NCKIPSD: variants seen among roughly 807,000 people sequenced by gnomAD.
NCKIPSD encodes the protein NCK-interacting protein with SH3 domain.
In NCKIPSD, 48 loss-of-function variants were observed where a neutral mutation model predicts 73.4. That is an observed-to-expected ratio of 0.65 (90% CI 0.52 to 0.83). NCKIPSD has a LOEUF of 0.83. Among genes scored for constraint, NCKIPSD ranks in the 40% least tolerant of loss-of-function variants. The probability of loss-of-function intolerance (pLI) is 0.00; values close to 1 mark genes in which losing one functional copy is unlikely to be tolerated. For missense variants in NCKIPSD, 884 were observed against 970.2 expected, an observed-to-expected ratio of 0.91 and a Z score of 1.18; for synonymous variants, 422 against 403.6, an observed-to-expected ratio of 1.05 and a Z score of -0.54.
rs780562488 is a variant in NCKIPSD at position 48,685,757 on chromosome 3, C to A, written c.51G>T (p.Ala17=). ...AFRSAEPNAL[A]FAAGETFLVL... The stretch of plus-strand genomic sequence containing the variant: ...CCAGGAAGGTCTCGCCCGCGGCGAA[C>A]GCCAGCGCGTTGGGCTCCGCCGAGC... Residue 17 remains alanine, a synonymous_variant, in exon 1 of 13, where the codon GCG becomes GCT. Transcript: ENST00000294129. 1.7e-5 allele frequency: 26 copies of A among 1,532,850 alleles called. No homozygotes were observed. Among genetic ancestry groups the A allele is most frequent in the Non-Finnish European group, 1.2e-5 (14 of 1,148,526 alleles). 95.0% of individuals were successfully genotyped at this position (1,532,850 alleles called of 1,614,324 possible).
intron 1 of NCKIPSD, among the ~76,000 whole-genome samples, chr3:48,684,237 AACAG>A (rs1320348095): frequency 4.6e-5 from 7 of 152,268 alleles, no homozygotes; most frequent in South Asian, 4.1e-4. Flanking sequence ...CGCAGAAAGA[AACAG>A]ACAGTGACAG....
Position 48,674,474 on chromosome 3 carries a change from T to C in NCKIPSD, c.*70A>G. ...CCCCTCCCACTGTCAGTGCAAAACA[T>C]TCTTAGGGCCAAGCCCCTGAGTCCC... is the stretch of plus-strand genomic sequence containing the variant. On this transcript the variant is annotated 3_prime_UTR_variant, in exon 13 of 13. Transcript: ENST00000294129. The C allele has an allele frequency of 6.6e-7, 1 of 1,525,018 alleles. No individual in the cohort carries two copies. The highest frequency in any genetic ancestry group is 8.8e-7 in the Non-Finnish European group (1 of 1,134,432). 94.5% of individuals were successfully genotyped at this position (1,525,018 alleles called of 1,614,324 possible).
At chr3:48,683,783 TC>T (rs2077391594) in intron 1 of NCKIPSD, among the ~76,000 whole-genome samples, 1 of 151,790 alleles carries the variant, frequency 6.6e-6, no homozygotes, top group East Asian at 1.9e-4. Flanking sequence ...CCCCCAGCCC[TC>T]CCCTGGCCCT....
At chr3:48,675,755 A>G (rs1305363676) in intron 12 of NCKIPSD, among the ~76,000 whole-genome samples, 3 of 151,624 alleles carry the variant, frequency 2.0e-5, no homozygotes, top group Admixed American at 2.0e-4. Flanking sequence ...CATGTTGGCC[A>G]GGCTGGTTTC....
At position 48,681,892 on chromosome 3, in the gene NCKIPSD, G is replaced by A. The variant is rs1053398903; in HGVS notation, c.599-112C>T. On this transcript the variant is annotated intron_variant, in intron 4 of 12. Transcript: ENST00000294129. Reference sequence around the variant, plus strand: ...GGGCCTAGTTTCTCTGCTAGGCACTGCCTCCTCACAAAGCCCAGAGCCCCT... The same window carrying A: ...GGGCCTAGTTTCTCTGCTAGGCACTACCTCCTCACAAAGCCCAGAGCCCCT... 8.2e-6 allele frequency: 12 copies of A among 1,459,230 alleles called. No individual in the cohort carries two copies. In the African/African-American group the frequency reaches 1.4e-4, roughly 17 times the overall value. The allele number at this position is 1,459,230 out of a possible 1,614,324, so 90.4% of individuals were successfully genotyped here.
rs865797719 is a variant in NCKIPSD, at chr3:48,685,879, A to G, written c.-72T>C. ...CCACAACGCCAGGCCGGGAGCGCCG[A>G]GCCGCGCCGCGGTTGTCCCGCCCCG... On this transcript the variant is annotated 5_prime_UTR_variant, in exon 1 of 13. Coordinates refer to ENST00000294129, the MANE Select transcript of NCKIPSD (RefSeq NM_016453.4). The G allele has an allele frequency of 5.3e-6, 7 of 1,308,410 alleles. No individual in the cohort carries two copies. The highest frequency in any genetic ancestry group is 2.8e-4 in the Middle Eastern group (1 of 3,584). The allele number at this position is 1,308,410 out of a possible 1,614,324, so 81.1% of individuals were successfully genotyped here. A position where few individuals can be genotyped will look rare whatever the true frequency, so the allele number is the denominator to read the frequency against.
intron 1 of NCKIPSD, among the ~76,000 whole-genome samples, chr3:48,684,991 G>C (rs886619712): frequency 6.6e-6 from 1 of 151,834 alleles, no homozygotes; most frequent in Non-Finnish European, 1.5e-5. Flanking sequence ...TTAGAGGGTG[G>C]CTGAACACAG....
At chr3:48,677,206 T>C (rs2077269021) in intron 12 of NCKIPSD, among the ~76,000 whole-genome samples, 1 of 151,442 alleles carries the variant, frequency 6.6e-6, no homozygotes, top group East Asian at 2.0e-4. Flanking sequence ...CTGGCCAACA[T>C]GGCGAAACCC....
Position 48,681,521 on chromosome 3 carries a change from G to A in NCKIPSD, c.858C>T (p.Asp286=), listed in dbSNP as rs1181462410. Residue 286 remains aspartate, a synonymous_variant, in exon 5 of 13, where the codon GAC becomes GAT. Transcript: ENST00000294129. ...GGCTCAGTGTACCCAGGGCTTCCAG[G>A]TCATCAGAGGCTGAGGTTGTACCAG... ...VATGTTSASD[D]LEALGTLSLG... 1 of 1,614,180 alleles carries A rather than the reference G, an allele frequency of 6.2e-7. No individual in the cohort carries two copies. The highest frequency in any genetic ancestry group is 1.1e-5 in the South Asian group (1 of 91,086).
chr3:48,678,571 C>T lies in NCKIPSD; in HGVS notation c.1958G>A (p.Gly653Glu). Residue 653 changes from glycine (G) to glutamate (E), a missense_variant, in exon 12 of 13, where the codon GGA becomes GAA. Physicochemically the swap from Gly to Glu is moderately conservative, Grantham distance 98. Transcript: ENST00000294129. Reference sequence around the variant, plus strand: ...GCAGCCACCTCCAGGCACCTTGTCTCCTGGTGACAGGTCTGCGATGTGCCG... The same window carrying T: ...GCAGCCACCTCCAGGCACCTTGTCTTCTGGTGACAGGTCTGCGATGTGCCG... ...TVRHIADLSPGDKLRMEYLSL... is the reference protein window; with the variant it reads ...TVRHIADLSPEDKLRMEYLSL... 2 of 1,610,000 alleles carry T rather than the reference C, an allele frequency of 1.2e-6. No individual in the cohort carries two copies. Among genetic ancestry groups the T allele is most frequent in the East Asian group, 2.2e-5 (1 of 44,832 alleles).
intron 1 of NCKIPSD, among the ~76,000 whole-genome samples, chr3:48,683,607 A>T (rs990211): frequency 6.6e-6 from 1 of 152,096 alleles, no homozygotes; most frequent in Non-Finnish European, 1.5e-5. Context: ...TAAGCTTCCA[A>T]ACCCACCCTG....
Position 48,678,686 on chromosome 3 carries a change from G to A in NCKIPSD, c.1843C>T (p.Leu615Phe). The change falls in exon 12 of 13, where the codon CTC (leucine) becomes TTC (phenylalanine). Residue 615 changes from leucine (L) to phenylalanine (F), a missense_variant. By Grantham distance (22) the Leu-to-Phe change is conservative. Coordinates refer to ENST00000294129, the MANE Select transcript of NCKIPSD (RefSeq NM_016453.4). ...KHEPQPPHSVLKFLQDVFGSP... is the reference protein window; with the variant it reads ...KHEPQPPHSVFKFLQDVFGSP... ...CCAAACACGTCCTGCAGGAACTTGA[G>A]GACAGAGTGTGGTGGCTGTGGCTCA... 1 of 1,614,210 alleles carries A rather than the reference G, an allele frequency of 6.2e-7. No individual in the cohort carries two copies. The highest frequency in any genetic ancestry group is 8.5e-7 in the Non-Finnish European group (1 of 1,180,040).
Position 48,685,829 on chromosome 3 carries a change from A to G in NCKIPSD, c.-22T>C. 1 of 1,416,652 alleles carries G rather than the reference A, an allele frequency of 7.1e-7. No individual in the cohort carries two copies. Among genetic ancestry groups the G allele is most frequent in the Non-Finnish European group, 9.2e-7 (1 of 1,092,174 alleles). 87.8% of individuals were successfully genotyped at this position (1,416,652 alleles called of 1,614,324 possible). On this transcript the variant is annotated 5_prime_UTR_variant, in exon 1 of 13. Coordinates refer to ENST00000294129, the MANE Select transcript of NCKIPSD (RefSeq NM_016453.4). ...ACATGAGGCCGGGCAGGGCAGGTGC[A>G]GGGAAGGTGGCAAGGGCTGCGGCGC...
chr3:48,681,219 T>C, intron 5 of NCKIPSD, 68 bp downstream of exon 5: 1 of 1,508,872 alleles, frequency 6.6e-7, no homozygotes. Context: ...ATGTACAGGC[T>C]GGACAAGTGT....
chr3:48,683,300 G>A (rs1458770490), intron 1 of NCKIPSD, among the ~76,000 whole-genome samples: 2 of 152,204 alleles, frequency 1.3e-5, no homozygotes, highest in East Asian at 1.9e-4. Context: ...AAAATCAGAG[G>A]TCTAAAGCAA....
At chr3:48,682,220 C>A in intron 3 of NCKIPSD, 64 bp from the exon 4 acceptor site, 2 of 1,561,168 alleles carry the variant, frequency 1.3e-6, no homozygotes, top group South Asian at 2.4e-5. Context: ...GAGGCTCGGG[C>A]CCTGAGCCCT....
intron 11 of NCKIPSD, 67 bp downstream of exon 11, chr3:48,678,810 G>A: frequency 6.2e-7 from 1 of 1,613,028 alleles, no homozygotes. Flanking sequence ...GGTTACGGGA[G>A]TCATTGCAGG....
intron 5 of NCKIPSD, 174 bp downstream of exon 5, chr3:48,681,113 A>G (rs1379801958): frequency 9.7e-7 from 1 of 1,027,700 alleles, no homozygotes; most frequent in African/African-American, 1.6e-5. Context: ...ATCTGCCTGG[A>G]ATGCTTGTCC....
Position 48,679,878 on chromosome 3 carries a change from C to G in NCKIPSD, c.1273G>C (p.Asp425His), listed in dbSNP as rs879501523. 1 of 1,614,212 alleles carries G rather than the reference C, an allele frequency of 6.2e-7. No homozygotes were observed. Among genetic ancestry groups the G allele is most frequent in the Non-Finnish European group, 8.5e-7 (1 of 1,180,038 alleles). Residue 425 changes from aspartate (D) to histidine (H), a missense_variant, in exon 7 of 13, where the codon GAC (aspartate) becomes CAC (histidine). By Grantham distance (81) the Asp-to-His change is moderately conservative (BLOSUM62 -1). Coordinates refer to ENST00000294129, the MANE Select transcript of NCKIPSD (RefSeq NM_016453.4). ...EELLHILTDADPEVCKKMCKR... is the reference protein window; with the variant it reads ...EELLHILTDAHPEVCKKMCKR... ...CACATTTTCTTGCAAACTTCAGGGT[C>G]TGCATCAGTCTACAGAAATGAGGAA...
Sources: gnomAD v4.1 joint callset for allele counts (sites outside exome capture counted in the v4.1 genomes callset) on GRCh38, gnomAD v4.1.1 for gene constraint, MANE v1.5 for transcripts, NCBI Gene and HGNC (gene_info 2026-07-23, HGNC 2026-07-21) for gene names.